Variants in LYPD6B observed in about 807,000 individuals in gnomAD.
LYPD6B encodes ly6/PLAUR domain-containing protein 6B.
LYPD6B carries 17 observed loss-of-function variants against 22.8 expected under a neutral mutation model. The ratio of observed to expected loss-of-function variants is 0.75; its 90% CI spans 0.51 to 1.12. The LOEUF (loss-of-function observed/expected upper bound fraction) is 1.12. Among genes scored for constraint, LYPD6B ranks in the 50% most tolerant of loss-of-function variants. The probability of loss-of-function intolerance (pLI) is 0.00; values close to 1 mark genes in which losing one functional copy is unlikely to be tolerated. For missense variants in LYPD6B, 221 were observed against 258.3 expected (o/e 0.86, Z 0.99); for synonymous variants, 106 against 91.6 (o/e 1.16, Z -0.90).
chr2:149,149,102 A>G (rs977423795), intron 2 of LYPD6B, among the ~76,000 whole-genome samples: 2 of 152,166 alleles, frequency 1.3e-5, no homozygotes, highest in African/African-American at 4.8e-5. Context: ...GAGGAAGAAC[A>G]TTCCAGGCAT....
rs1337342971 is a variant in LYPD6B at position 149,146,774 on chromosome 2, A to T, written c.6-13990A>T. ...GCAACTCCAGGAGAATTCCGATAGT[A>T]ACAAACAATAGGCACTGGAGACTTT... On this transcript the variant is annotated intron_variant, in intron 2 of 6. Coordinates refer to ENST00000409642, the MANE Select transcript of LYPD6B (RefSeq NM_177964.5). 3.3e-5 allele frequency among the ~76,000 whole-genome samples: 5 copies of T among 151,888 alleles called. No homozygotes were observed. In the East Asian group the frequency reaches 9.6e-4, roughly 29 times the overall value.
At chr2:149,177,061 G>T (rs1367996871) in intron 3 of LYPD6B, among the ~76,000 whole-genome samples, 1 of 152,150 alleles carries the variant, frequency 6.6e-6, no homozygotes, top group Non-Finnish European at 1.5e-5. Flanking sequence ...ATTCTGTAGG[G>T]CATGAAAAAT....
intron 1 of LYPD6B, among the ~76,000 whole-genome samples, chr2:149,046,986 A>G (rs1013591231): frequency 2.6e-5 from 4 of 152,240 alleles, no homozygotes; most frequent in Non-Finnish European, 5.9e-5. Context: ...ATGTATTTCA[A>G]AAAACATTCT....
At chr2:149,113,495 T>A (rs1686857845) in intron 1 of LYPD6B, among the ~76,000 whole-genome samples, 1 of 152,080 alleles carries the variant, frequency 6.6e-6, no homozygotes, top group East Asian at 1.9e-4. Context: ...TACTGCAAAG[T>A]TTTCTGTCCT....
chr2:149,160,014 T>G (rs912791072), intron 2 of LYPD6B, among the ~76,000 whole-genome samples: 1 of 150,822 alleles, frequency 6.6e-6, no homozygotes, highest in Non-Finnish European at 1.5e-5. Flanking sequence ...ATTAGTCAGG[T>G]GTGGTGGTAC....
At chr2:149,057,283 G>A (rs1454166191) in intron 1 of LYPD6B, among the ~76,000 whole-genome samples, 1 of 151,702 alleles carries the variant, frequency 6.6e-6, no homozygotes, top group African/African-American at 2.4e-5. Flanking sequence ...CAAAACTTAT[G>A]GTCTCAGGCT....
At chr2:149,069,504 C>T (rs1684499170) in intron 1 of LYPD6B, among the ~76,000 whole-genome samples, 1 of 152,086 alleles carries the variant, frequency 6.6e-6, no homozygotes, top group African/African-American at 2.4e-5. Flanking sequence ...AGGTACCACC[C>T]CAAACCCTGC....
chr2:149,135,719 C>CAAAAAAAAAAAAAA (rs386391471), intron 2 of LYPD6B, among the ~76,000 whole-genome samples: 2 of 32,250 alleles, frequency 6.2e-5, no homozygotes, highest in African/African-American at 2.0e-4. Flanking sequence ...GACCATGTCT[C>CAAAAAAAAAAAAAA]AAAAAAAAAA....
intron 2 of LYPD6B, among the ~76,000 whole-genome samples, chr2:149,138,598 G>A (rs1210068291): frequency 6.6e-6 from 1 of 152,176 alleles, no homozygotes; most frequent in East Asian, 1.9e-4. Context: ...CTGGAGTGCA[G>A]TGGTATGATT....
intron 3 of LYPD6B, among the ~76,000 whole-genome samples, chr2:149,191,855 G>A (rs573165667): frequency 1.3e-5 from 2 of 152,278 alleles, no homozygotes; most frequent in South Asian, 4.1e-4. Context: ...CCATGAGAAA[G>A]TAAATAGTAA....
rs778102071 is a variant in LYPD6B at position 149,212,976 on chromosome 2, G to T, written c.329-16G>T. On this transcript the variant is annotated splice_polypyrimidine_tract_variant and intron_variant, in intron 5 of 6. Transcript: ENST00000409642. ...ACCTTGTTTCTTGGTTTTGTTTTTTGTTTCCTCTTGCCTAGATACACAGTA... is the reference window on the plus strand; with the variant it reads ...ACCTTGTTTCTTGGTTTTGTTTTTTTTTTCCTCTTGCCTAGATACACAGTA... 4 of 1,603,414 alleles carry T rather than the reference G, an allele frequency of 2.5e-6. No homozygotes were observed. Among genetic ancestry groups the T allele is most frequent in the Admixed American group, 3.5e-5 (2 of 57,588 alleles).
rs1693974748 is a variant in LYPD6B, at chr2:149,213,058, A to G, written c.395A>G (p.Lys132Arg). 1.2e-6 allele frequency: 2 copies of G among 1,613,900 alleles called. No homozygotes were observed. Among genetic ancestry groups the G allele is most frequent in the Non-Finnish European group, 1.7e-6 (2 of 1,179,870 alleles). ...GGAAGAAGCACATCCATCACCAAAA[A>G]GTGTGCCTCCAGAAGTGAATGTCAT... ...SHGRSTSITKKCASRSECHFV... is the reference protein window; with the variant it reads ...SHGRSTSITKRCASRSECHFV... The change falls in exon 6 of 7, where the codon AAG (lysine) becomes AGG (arginine). Residue 132 changes from lysine (K) to arginine (R), a missense_variant. Physicochemically the swap from Lys to Arg is conservative, Grantham distance 26. Coordinates refer to ENST00000409642, the MANE Select transcript of LYPD6B (RefSeq NM_177964.5).
chr2:149,167,066 T>C lies in LYPD6B; in HGVS notation c.77+6231T>C, dbSNP rs568519514. Among the ~76,000 whole-genome samples the C allele has an allele frequency of 3.3e-5, 5 of 151,990 alleles. No homozygotes were observed. In the East Asian group the frequency reaches 9.7e-4, roughly 29 times the overall value. ...TTCTGCATTAAGTGTTTTTTTTTTT[T>C]CTCTTGTGGATGCTCACTTTCCTCG... On this transcript the variant is annotated intron_variant, in intron 3 of 6. Transcript: ENST00000409642.
chr2:149,164,639 A>G (rs1690303211), intron 3 of LYPD6B, among the ~76,000 whole-genome samples: 1 of 152,202 alleles, frequency 6.6e-6, no homozygotes, highest in African/African-American at 2.4e-5. Flanking sequence ...TCCCTCTACA[A>G]GGATCTAACT....
chr2:149,121,540 G>A (rs116589708), intron 1 of LYPD6B, among the ~76,000 whole-genome samples: 289 of 152,322 alleles, frequency 1.9e-3, no homozygotes, highest in African/African-American at 6.8e-3. Flanking sequence ...TATAGTCACA[G>A]AAGTGTGTGC....
In LYPD6B at chr2:149,183,476, G is replaced by A. The variant is rs981261848; in HGVS notation, c.78-21777G>A. Among the ~76,000 whole-genome samples, 5 of 151,912 alleles carry A rather than the reference G, an allele frequency of 3.3e-5. No individual in the cohort carries two copies. The East Asian group carries it at 7.8e-4, about 24-fold the overall frequency. On this transcript the variant is annotated intron_variant, in intron 3 of 6. Transcript: ENST00000409642. ...TTTTCCTGAGACATTTGTTCTATGTGGCCAATCTACAATGTGTATAGATTT... is the reference window on the plus strand; with the variant it reads ...TTTTCCTGAGACATTTGTTCTATGTAGCCAATCTACAATGTGTATAGATTT...
intron 3 of LYPD6B, among the ~76,000 whole-genome samples, chr2:149,179,883 T>C (rs974027778): frequency 1.2e-4 from 19 of 152,236 alleles, no homozygotes; most frequent in African/African-American, 4.1e-4. Flanking sequence ...ACAAAACTGG[T>C]AGGAAATCGT....
intron 5 of LYPD6B, among the ~76,000 whole-genome samples, chr2:149,210,115 T>A (rs181511270): frequency 6.6e-6 from 1 of 152,314 alleles, no homozygotes; most frequent in East Asian, 1.9e-4. Context: ...CTCATGCTAT[T>A]GTTTTGAATT....
intron 3 of LYPD6B, among the ~76,000 whole-genome samples, chr2:149,175,061 C>CTCTCTCTCTCTCTCTCTGTG (rs1454802925): frequency 1.8e-5 from 2 of 113,002 alleles, no homozygotes; most frequent in South Asian, 3.7e-4. Context: ...CTCTCTCTCT[C>CTCTCTCTCTCTCTCTCTGTG]TGTGTGTGTG....
Sources: allele counts gnomAD v4.1 joint callset (sites outside exome capture counted in the v4.1 genomes callset), GRCh38; gene constraint gnomAD v4.1.1; transcripts MANE v1.5; gene names NCBI Gene and HGNC (gene_info 2026-07-23, HGNC 2026-07-21).